MAP2K4: variants seen among roughly 807,000 people sequenced by gnomAD.
MAP2K4 encodes dual specificity mitogen-activated protein kinase kinase 4.
In MAP2K4, 4 loss-of-function variants were observed where a neutral mutation model predicts 48.5. That is an observed-to-expected ratio of 0.08 (90% CI 0.04 to 0.19). MAP2K4 has a LOEUF of 0.19. Ranked by LOEUF, MAP2K4 falls within the 10% of genes least tolerant of loss-of-function variation. The probability of loss-of-function intolerance (pLI) is 1.00; values close to 1 mark genes in which losing one functional copy is unlikely to be tolerated. For synonymous variants in MAP2K4, 166 were observed against 173.1 expected (o/e 0.96, Z 0.32); for missense variants, 258 against 493.3 (o/e 0.52, Z 4.52).
intron 1 of MAP2K4, among the ~76,000 whole-genome samples, chr17:12,050,164 C>A (rs1970091688): frequency 6.6e-6 from 1 of 152,124 alleles, no homozygotes; most frequent in Admixed American, 6.6e-5. Flanking sequence ...GTAACAGAAT[C>A]TTGCTTTCCT....
intron 4 of MAP2K4, among the ~76,000 whole-genome samples, chr17:12,107,019 A>G (rs1972137299): frequency 1.3e-5 from 2 of 152,270 alleles, no homozygotes; most frequent in African/African-American, 4.8e-5. Context: ...GTATCAACAC[A>G]TTTATTTCTG....
At chr17:12,079,947 A>C (rs1308156240) in intron 2 of MAP2K4, among the ~76,000 whole-genome samples, 1 of 152,182 alleles carries the variant, frequency 6.6e-6, no homozygotes, top group Non-Finnish European at 1.5e-5. Context: ...AGAGTATCAA[A>C]TAATATGGGT....
intron 3 of MAP2K4, among the ~76,000 whole-genome samples, chr17:12,083,758 T>C (rs747433939): frequency 6.6e-6 from 1 of 152,222 alleles, no homozygotes; most frequent in Non-Finnish European, 1.5e-5. Flanking sequence ...TCATCACACT[T>C]GAGAGAGTTC....
intron 2 of MAP2K4, among the ~76,000 whole-genome samples, chr17:12,063,087 C>T (rs117338373): frequency 6.6e-6 from 1 of 151,996 alleles, no homozygotes; most frequent in East Asian, 1.9e-4. Flanking sequence ...CAGTGAAATC[C>T]CATCAGACTT....
At chr17:12,131,659 A>G (rs573996722) in intron 9 of MAP2K4, among the ~76,000 whole-genome samples, 12 of 152,240 alleles carry the variant, frequency 7.9e-5, no homozygotes, top group African/African-American at 2.6e-4. Flanking sequence ...GAATGTTTTC[A>G]TTACGTTTGG....
intron 2 of MAP2K4, among the ~76,000 whole-genome samples, chr17:12,080,105 A>G (rs1352571181): frequency 6.6e-6 from 1 of 152,188 alleles, no homozygotes; most frequent in Non-Finnish European, 1.5e-5. Flanking sequence ...GAACCTTAAT[A>G]TTAGTACATA....
intron 1 of MAP2K4, among the ~76,000 whole-genome samples, chr17:12,030,478 C>G (rs1428466188): frequency 2.0e-5 from 3 of 152,144 alleles, no homozygotes; most frequent in Admixed American, 1.3e-4. Flanking sequence ...TTTGTAGCTA[C>G]TTATATAGAT....
At chr17:12,059,408 T>C (rs946228051) in intron 2 of MAP2K4, among the ~76,000 whole-genome samples, 7 of 152,394 alleles carry the variant, frequency 4.6e-5, no homozygotes, top group Non-Finnish European at 8.8e-5. Context: ...TTCTGTGTTT[T>C]CATGATAGTG....
intron 3 of MAP2K4, among the ~76,000 whole-genome samples, chr17:12,086,754 C>G (rs967054328): frequency 1.3e-5 from 2 of 152,196 alleles, no homozygotes; most frequent in African/African-American, 4.8e-5. Flanking sequence ...TCTACCATCA[C>G]TTGGTTAAAC....
chr17:12,042,782 T>C (rs777844114), intron 1 of MAP2K4, among the ~76,000 whole-genome samples: 1 of 152,180 alleles, frequency 6.6e-6, no homozygotes, highest in Non-Finnish European at 1.5e-5. Context: ...GCGCAGTGGC[T>C]CACGCCTGTA....
intron 1 of MAP2K4, among the ~76,000 whole-genome samples, chr17:12,035,271 A>G (rs1405602436): frequency 6.6e-6 from 1 of 152,170 alleles, no homozygotes; most frequent in African/African-American, 2.4e-5. Context: ...TAATCCCAGC[A>G]CTTCGGGAGG....
At chr17:12,037,868 A>G (rs907338775) in intron 1 of MAP2K4, among the ~76,000 whole-genome samples, 3 of 152,096 alleles carry the variant, frequency 2.0e-5, no homozygotes, top group African/African-American at 7.2e-5. Flanking sequence ...CTTATACCTT[A>G]TACCATTACA....
At chr17:12,088,455 ATAT>A (rs1437333505) in intron 3 of MAP2K4, among the ~76,000 whole-genome samples, 3 of 142,156 alleles carry the variant, frequency 2.1e-5, no homozygotes, top group African/African-American at 7.7e-5. Flanking sequence ...TATATATTAA[ATAT>A]TATACAATAT....
chr17:12,111,962 G>T (rs867929275), intron 6 of MAP2K4, among the ~76,000 whole-genome samples: 1 of 152,264 alleles, frequency 6.6e-6, no homozygotes. Context: ...CTCGTGCTGT[G>T]CAGCTCTGTA....
chr17:12,085,576 C>T (rs1351684137), intron 3 of MAP2K4, among the ~76,000 whole-genome samples: 1 of 152,008 alleles, frequency 6.6e-6, no homozygotes, highest in African/African-American at 2.4e-5. Context: ...TCAGCTCTAC[C>T]CTTTCACCTC....
chr17:12,099,001 CAATGTA>C (rs1184909371), intron 4 of MAP2K4, among the ~76,000 whole-genome samples: 1 of 151,968 alleles, frequency 6.6e-6, no homozygotes, highest in Non-Finnish European at 1.5e-5. Flanking sequence ...ATCACCCAAA[CAATGTA>C]AATTGTACCC....
At chr17:12,069,924 TATATATATATATATATATATATATATA>T in intron 2 of MAP2K4, 1 of 105,114 alleles carries the variant, frequency 9.5e-6, no homozygotes. Context: ...TATATATATA[TATATATATATATATATATATATATATA>T]TGCATGCTGA....
chr17:12,110,356 C>A lies in MAP2K4; in HGVS notation c.634-19C>A, dbSNP rs145905482. On this transcript the variant is annotated intron_variant, in intron 5 of 10. Transcript: ENST00000353533. ...AAAAGAAACAAGTTGTTTATCCCAT[C>A]TCTCCTTTTTCTCCCTAGACTGTGA... is the stretch of plus-strand genomic sequence containing the variant. The A allele has an allele frequency of 2.3e-5, 37 of 1,590,404 alleles. No homozygotes were observed. The Middle Eastern group carries it at 8.3e-4, about 36-fold the overall frequency.
At chr17:12,040,778 A>T (rs537610131) in intron 1 of MAP2K4, among the ~76,000 whole-genome samples, 22 of 152,304 alleles carry the variant, frequency 1.4e-4, no homozygotes, top group Non-Finnish European at 2.5e-4. Flanking sequence ...AAATCTGATG[A>T]CCTACTTGTG....
Sources: gnomAD v4.1 joint callset for allele counts (sites outside exome capture counted in the v4.1 genomes callset) on GRCh38, gnomAD v4.1.1 for gene constraint, MANE v1.5 for transcripts, NCBI Gene and HGNC (gene_info 2026-07-23, HGNC 2026-07-21) for gene names.